The following PTPRT variants were observed in gnomAD, a reference collection of about 807,000 sequenced individuals.
PTPRT encodes receptor-type tyrosine-protein phosphatase T.
PTPRT carries 56 observed loss-of-function variants against 176.8 expected under a neutral mutation model. The observed-to-expected ratio is 0.32, with a 90% CI of 0.26 to 0.40. The LOEUF (loss-of-function observed/expected upper bound fraction) is 0.40. Ranked by LOEUF, PTPRT falls within the 10% of genes least tolerant of loss-of-function variation. PTPRT has a pLI of 1.00. For synonymous variants in PTPRT, 783 were observed against 739.0 expected (o/e 1.06, Z -0.96); for missense variants, 1,540 against 1,908.2 (o/e 0.81, Z 3.60).
chr20:43,045,309 G>A (rs113525314), intron 1 of PTPRT, among the ~76,000 whole-genome samples: 2,749 of 152,230 alleles, frequency 0.018, 74 homozygotes, highest in African/African-American at 0.062. Context: ...AACTGGTACT[G>A]ACACAGCCTC....
intron 27 of PTPRT, among the ~76,000 whole-genome samples, chr20:42,093,334 C>A (rs190479661): frequency 1.5e-3 from 235 of 152,294 alleles, no homozygotes; most frequent in Middle Eastern, 6.8e-3. Context: ...GATTTTACCC[C>A]GCAAATCTGA....
intron 8 of PTPRT, among the ~76,000 whole-genome samples, chr20:42,460,154 C>T (rs11697017): frequency 0.38 from 58,159 of 151,856 alleles, 11,432 homozygotes; most frequent in Middle Eastern, 0.51. Flanking sequence ...TAAATGACTC[C>T]GGAGGGCTGG....
At chr20:43,138,041 T>A (rs1438036619) in intron 1 of PTPRT, among the ~76,000 whole-genome samples, 1 of 152,154 alleles carries the variant, frequency 6.6e-6, no homozygotes, top group Non-Finnish European at 1.5e-5. Context: ...CCGTGGCTCC[T>A]CATCAATAAA....
At chr20:43,119,686 T>C (rs1028698561) in intron 1 of PTPRT, among the ~76,000 whole-genome samples, 2 of 152,232 alleles carry the variant, frequency 1.3e-5, no homozygotes, top group African/African-American at 4.8e-5. Context: ...ATCCTTTTTA[T>C]GATTATTGCC....
intron 1 of PTPRT, among the ~76,000 whole-genome samples, chr20:42,995,159 C>T (rs2146116339): frequency 6.6e-6 from 1 of 152,228 alleles, no homozygotes; most frequent in African/African-American, 2.4e-5. Context: ...AACAAATTAC[C>T]CCAAATCTTC....
At chr20:43,158,612 G>T (rs1270583711) in intron 1 of PTPRT, among the ~76,000 whole-genome samples, 1 of 152,118 alleles carries the variant, frequency 6.6e-6, no homozygotes, top group African/African-American at 2.4e-5. Context: ...AAACTACACA[G>T]CCAGACCTCA....
Position 42,532,480 on chromosome 20 carries a change from C to T in PTPRT, c.1154-59918G>A, listed in dbSNP as rs112234952. ...GCAGTGGCATGATCATAGTTCACTG[C>T]AGTCTTGACCTCCTGGGCTCAAGCA... On this transcript the variant is annotated intron_variant, in intron 7 of 30. Coordinates refer to ENST00000373187, the MANE Select transcript of PTPRT (RefSeq NM_007050.6). 3.4e-3 allele frequency among the ~76,000 whole-genome samples: 518 copies of T among 152,256 alleles called. 2 individuals are homozygous for T. The highest frequency in any genetic ancestry group is 0.012 in the African/African-American group (478 of 41,550).
At chr20:42,376,677 G>A (rs980213086) in intron 9 of PTPRT, among the ~76,000 whole-genome samples, 1 of 152,156 alleles carries the variant, frequency 6.6e-6, no homozygotes, top group African/African-American at 2.4e-5. Flanking sequence ...CAGTGTTCAT[G>A]ACATGAAATG....
At chr20:42,584,901 G>A (rs2073445238) in intron 7 of PTPRT, among the ~76,000 whole-genome samples, 1 of 152,152 alleles carries the variant, frequency 6.6e-6, no homozygotes, top group Admixed American at 6.5e-5. Context: ...GAGTTAAGTT[G>A]TGGAGGTGTA....
intron 9 of PTPRT, among the ~76,000 whole-genome samples, chr20:42,383,083 T>A (rs1346687099): frequency 1.3e-5 from 2 of 152,208 alleles, no homozygotes; most frequent in African/African-American, 4.8e-5. Context: ...TGAATCTGCC[T>A]GAAGACTTCC....
chr20:42,927,427 T>C (rs1979558180), intron 1 of PTPRT, among the ~76,000 whole-genome samples: 1 of 152,152 alleles, frequency 6.6e-6, no homozygotes, highest in Admixed American at 6.5e-5. Flanking sequence ...ACAGGCGTAG[T>C]GGCGCATGCC....
At chr20:42,086,188 C>T (rs889313957) in intron 27 of PTPRT, among the ~76,000 whole-genome samples, 1 of 152,096 alleles carries the variant, frequency 6.6e-6, no homozygotes, top group African/African-American at 2.4e-5. Flanking sequence ...ATCCACCTGT[C>T]CCAGCCTCCC....
intron 7 of PTPRT, among the ~76,000 whole-genome samples, chr20:42,660,210 G>A (rs2075198997): frequency 1.3e-5 from 2 of 152,124 alleles, no homozygotes; most frequent in African/African-American, 4.8e-5. Flanking sequence ...CTAACAGGGT[G>A]TCTGCTCCAC....
chr20:42,461,821 T>C (rs528204253), intron 8 of PTPRT, among the ~76,000 whole-genome samples: 5 of 151,798 alleles, frequency 3.3e-5, no homozygotes, highest in African/African-American at 9.7e-5. Flanking sequence ...AATGGATGCA[T>C]AAGGAGGGGA....
At chr20:43,099,796 A>C (rs2012316849) in intron 1 of PTPRT, among the ~76,000 whole-genome samples, 2 of 152,292 alleles carry the variant, frequency 1.3e-5, no homozygotes, top group South Asian at 2.1e-4. Flanking sequence ...CAGCCACAGG[A>C]GAAGCCACCC....
At chr20:42,990,089 T>A (rs1308228180) in intron 1 of PTPRT, among the ~76,000 whole-genome samples, 1 of 152,182 alleles carries the variant, frequency 6.6e-6, no homozygotes, top group Non-Finnish European at 1.5e-5. Flanking sequence ...ACATCTATCA[T>A]CTTACGAAGC....
At chr20:42,289,183 C>T (rs1405288360) in intron 12 of PTPRT, among the ~76,000 whole-genome samples, 4 of 152,004 alleles carry the variant, frequency 2.6e-5, no homozygotes, top group Admixed American at 1.3e-4. Context: ...TAGAAGAAAA[C>T]CTACGAAATA....
At position 42,161,340 on chromosome 20, in the gene PTPRT, C is replaced by CTGGT; in HGVS notation, c.2682+8_2682+11dup. 6.2e-7 allele frequency: 1 copy of CTGGT among 1,614,020 alleles called. No individual in the cohort carries two copies. The highest frequency in any genetic ancestry group is 8.5e-7 in the Non-Finnish European group (1 of 1,179,922). On this transcript the variant is annotated intron_variant, in intron 17 of 30. Transcript: ENST00000373187. ...AACTATCAGGAAGTTTCCCCACAGG[C>CTGGT]TGGTCTCTTACCTCGTATTCCTCCT...
chr20:42,690,974 G>A (rs1426186116), intron 6 of PTPRT, among the ~76,000 whole-genome samples: 1 of 152,128 alleles, frequency 6.6e-6, no homozygotes, highest in African/African-American at 2.4e-5. Context: ...CCCCTGCACT[G>A]GTCTTTCTCC....
Sources: gnomAD v4.1 joint callset for allele counts (sites outside exome capture counted in the v4.1 genomes callset) on GRCh38, gnomAD v4.1.1 for gene constraint, MANE v1.5 for transcripts, NCBI Gene and HGNC (gene_info 2026-07-23, HGNC 2026-07-21) for gene names.